Variants in SDCCAG8 observed in about 807,000 individuals in gnomAD.
The protein encoded by SDCCAG8 is SHH signaling and ciliogenesis regulator SDCCAG8.
SDCCAG8 carries 74 observed loss-of-function variants against 101.8 expected under a neutral mutation model. The observed-to-expected ratio is 0.73, with a 90% CI of 0.60 to 0.88. The LOEUF (loss-of-function observed/expected upper bound fraction) is 0.88. SDCCAG8 is among the 40% of genes least tolerant of loss of function. The pLI is 0.00. For synonymous variants in SDCCAG8, 281 were observed against 292.9 expected (o/e 0.96, Z 0.41); for missense variants, 787 against 822.6 (o/e 0.96, Z 0.53).
intron 16 of SDCCAG8, among the ~76,000 whole-genome samples, chr1:243,486,341 A>T (rs967162680): frequency 6.6e-6 from 1 of 151,806 alleles, no homozygotes; most frequent in Non-Finnish European, 1.5e-5. Context: ...GCCCCTTCTT[A>T]GGGATCTCAC....
chr1:243,363,174 A>T (rs1466656), intron 12 of SDCCAG8, among the ~76,000 whole-genome samples: 22,979 of 152,174 alleles, frequency 0.15, 3,029 homozygotes, highest in African/African-American at 0.36. Context: ...TTGTAATTTG[A>T]TATTTGCTGT....
chr1:243,499,591 C>T, intron 17 of SDCCAG8, 165 bp from the exon 18 acceptor site: 1 of 677,566 alleles, frequency 1.5e-6, no homozygotes, highest in South Asian at 1.7e-5. Context: ...TTGATGTGGA[C>T]AAGATGAGGC....
chr1:243,422,338 GAATTCT>G (rs1304914412), intron 15 of SDCCAG8, among the ~76,000 whole-genome samples: 3 of 152,138 alleles, frequency 2.0e-5, no homozygotes, highest in African/African-American at 7.2e-5. Context: ...ATTAAGATTT[GAATTCT>G]AATCTGTCAC....
intron 12 of SDCCAG8, among the ~76,000 whole-genome samples, chr1:243,374,086 T>C (rs1418099512): frequency 6.6e-6 from 1 of 151,990 alleles, no homozygotes; most frequent in Non-Finnish European, 1.5e-5. Context: ...AAAGTGTCCG[T>C]AAAAACAAGA....
intron 1 of SDCCAG8, among the ~76,000 whole-genome samples, chr1:243,263,796 T>G (rs1183193534): frequency 6.6e-6 from 1 of 152,242 alleles, no homozygotes; most frequent in African/African-American, 2.4e-5. Context: ...ATAGTACTTG[T>G]AATCTCTTTC....
intron 12 of SDCCAG8, among the ~76,000 whole-genome samples, chr1:243,345,116 G>C (rs2075625309): frequency 6.6e-6 from 1 of 152,058 alleles, no homozygotes; most frequent in Admixed American, 6.6e-5. Context: ...AATTGTTTTA[G>C]AATTTAGAAG....
At chr1:243,491,500 A>C (rs1459750239) in intron 17 of SDCCAG8, among the ~76,000 whole-genome samples, 1 of 152,214 alleles carries the variant, frequency 6.6e-6, no homozygotes, top group Non-Finnish European at 1.5e-5. Flanking sequence ...AGTTGCAAAT[A>C]CTAGTGGTCA....
chr1:243,427,715 C>CTTGCT (rs1439376325), intron 16 of SDCCAG8, among the ~76,000 whole-genome samples: 4 of 152,080 alleles, frequency 2.6e-5, no homozygotes, highest in Non-Finnish European at 5.9e-5. Context: ...ACGTTGATTA[C>CTTGCT]TTGCTTTATT....
At chr1:243,324,532 C>A (rs1188905504) in intron 9 of SDCCAG8, among the ~76,000 whole-genome samples, 1 of 142,140 alleles carries the variant, frequency 7.0e-6, no homozygotes, top group Non-Finnish European at 1.5e-5. Flanking sequence ...GGTCATATCT[C>A]ACTACAGCCT....
intron 10 of SDCCAG8, among the ~76,000 whole-genome samples, chr1:243,332,006 G>C (rs904407860): frequency 6.6e-6 from 1 of 152,208 alleles, no homozygotes; most frequent in African/African-American, 2.4e-5. Flanking sequence ...AGGCAGTCAC[G>C]AAAGACTTTC....
chr1:243,281,784 A>G lies in SDCCAG8; in HGVS notation c.421-4488A>G, dbSNP rs184516189. On this transcript the variant is annotated intron_variant, in intron 4 of 17. Transcript: ENST00000366541. ...GCCTCCCTGCTGAGTAGCTAGGACT[A>G]CAGACATGCACCACTATGCCTGGCT... is the stretch of plus-strand genomic sequence containing the variant. 1.1e-3 allele frequency among the ~76,000 whole-genome samples: 162 copies of G among 151,608 alleles called. 1 individual carries two copies. The highest frequency in any genetic ancestry group is 3.6e-3 in the African/African-American group (148 of 41,340).
intron 17 of SDCCAG8, among the ~76,000 whole-genome samples, chr1:243,495,699 G>A (rs1036109427): frequency 2.6e-5 from 4 of 152,184 alleles, no homozygotes; most frequent in Non-Finnish European, 4.4e-5. Context: ...CTTCTGACAG[G>A]TGGGCGGTCC....
In SDCCAG8 at chr1:243,316,844, T is replaced by G; in HGVS notation, c.1019T>G (p.Val340Gly). ...AGAGAAGCAAGTGCTTATGAACAGG[T>G]GAAACAAGTTTTGCAAATATCTGAG... is the stretch of plus-strand genomic sequence containing the variant. Reference protein sequence around the residue: ...QQREASAYEQVKQVLQISEEA... With the variant: ...QQREASAYEQGKQVLQISEEA... The change falls in exon 9 of 18, where the codon GTG (valine) becomes GGG (glycine). Residue 340 changes from valine to glycine, a missense_variant. Physicochemically the swap from Val to Gly is moderately radical, Grantham distance 109. Transcript: ENST00000366541. The G allele has an allele frequency of 6.2e-7, 1 of 1,614,092 alleles. No homozygotes were observed.
chr1:243,449,239 G>A (rs1413039496), intron 16 of SDCCAG8, among the ~76,000 whole-genome samples: 1 of 152,126 alleles, frequency 6.6e-6, no homozygotes, highest in Non-Finnish European at 1.5e-5. Flanking sequence ...CATGCTTAAT[G>A]GAGCGACTTG....
Position 243,446,602 on chromosome 1 carries a change from G to A in SDCCAG8, c.1985+20044G>A, listed in dbSNP as rs371229945. 1.5e-4 allele frequency among the ~76,000 whole-genome samples: 23 copies of A among 152,272 alleles called. 1 individual carries two copies. The East Asian group carries it at 3.9e-3, about 26-fold the overall frequency. ...TCAGAGAAAGGCCAACTTGGAGGCA[G>A]AAGAAAGGGAACTTTATCTGTTTCC... On this transcript the variant is annotated intron_variant, in intron 16 of 17. Transcript: ENST00000366541.
intron 16 of SDCCAG8, among the ~76,000 whole-genome samples, chr1:243,456,341 A>G (rs999183275): frequency 6.6e-6 from 1 of 152,122 alleles, no homozygotes; most frequent in Admixed American, 6.6e-5. Flanking sequence ...ACCCAGGGTC[A>G]CTGGGCTTTT....
At chr1:243,390,763 A>G (rs1464989723) in intron 13 of SDCCAG8, among the ~76,000 whole-genome samples, 1 of 152,204 alleles carries the variant, frequency 6.6e-6, no homozygotes, top group African/African-American at 2.4e-5. Flanking sequence ...CTGACTCAAC[A>G]ACAATGAGCA....
At chr1:243,307,123 A>G (rs1277004261) in intron 7 of SDCCAG8, among the ~76,000 whole-genome samples, 2 of 150,562 alleles carry the variant, frequency 1.3e-5, no homozygotes, top group Non-Finnish European at 2.9e-5. Flanking sequence ...TGCCAAGGTG[A>G]CTTTAGCGCA....
chr1:243,472,484 A>AT (rs1228078884), intron 16 of SDCCAG8, among the ~76,000 whole-genome samples: 1 of 152,204 alleles, frequency 6.6e-6, no homozygotes, highest in Non-Finnish European at 1.5e-5. Flanking sequence ...TCTCACAGGC[A>AT]ATGACCCCAA....
Sources: allele counts gnomAD v4.1 joint callset (sites outside exome capture counted in the v4.1 genomes callset), GRCh38; gene constraint gnomAD v4.1.1; transcripts MANE v1.5; gene names NCBI Gene and HGNC (gene_info 2026-07-23, HGNC 2026-07-21).